SPMIP2: variants seen among roughly 807,000 people sequenced by gnomAD.
SPMIP2 encodes sperm microtubule inner protein 2.
chr4:158,992,333 A>G, the SPMIP2 span, among the ~76,000 whole-genome samples: 2 of 152,260 alleles, frequency 1.3e-5, no homozygotes, highest in Non-Finnish European at 2.9e-5. Flanking sequence ...TATTCACAGC[A>G]TATGAAAGTA....
At chr4:158,944,508 C>T in the SPMIP2 span, among the ~76,000 whole-genome samples, 1 of 152,072 alleles carries the variant, frequency 6.6e-6, no homozygotes, top group African/African-American at 2.4e-5. Context: ...CCCTTCTCAT[C>T]CACTCACACA....
At chr4:158,994,627 G>A in the SPMIP2 span, among the ~76,000 whole-genome samples, 1 of 152,072 alleles carries the variant, frequency 6.6e-6, no homozygotes, top group African/African-American at 2.4e-5. Context: ...TGTTTCAATA[G>A]GTATATTTGA....
chr4:158,996,573 T>C, the SPMIP2 span, among the ~76,000 whole-genome samples: 1 of 152,234 alleles, frequency 6.6e-6, no homozygotes, highest in African/African-American at 2.4e-5. Flanking sequence ...AGGAAAATTA[T>C]GTCCCATAAT....
chr4:159,045,415 A>G, the SPMIP2 span, among the ~76,000 whole-genome samples: 151 of 152,322 alleles, frequency 9.9e-4, 1 homozygote, highest in African/African-American at 3.5e-3. Flanking sequence ...AATTGTTCTC[A>G]TAACAGCTAA....
the SPMIP2 span, among the ~76,000 whole-genome samples, chr4:158,963,014 A>C: frequency 6.6e-6 from 1 of 152,150 alleles, no homozygotes; most frequent in African/African-American, 2.4e-5. Context: ...CTTTCAGCAA[A>C]TAGTCTAAAC....
the SPMIP2 span, among the ~76,000 whole-genome samples, chr4:158,909,948 A>G: frequency 3.9e-5 from 6 of 152,156 alleles, no homozygotes; most frequent in Non-Finnish European, 8.8e-5. Flanking sequence ...AGGCTGAGGC[A>G]GGAAAATTGT....
chr4:159,020,562 A>G, the SPMIP2 span, among the ~76,000 whole-genome samples: 1 of 152,160 alleles, frequency 6.6e-6, no homozygotes, highest in East Asian at 1.9e-4. Flanking sequence ...GGTTAGAGGT[A>G]AGGGAGTCTT....
chr4:158,926,424 TTTC>T, the SPMIP2 span, among the ~76,000 whole-genome samples: 1 of 152,178 alleles, frequency 6.6e-6, no homozygotes, highest in Admixed American at 6.5e-5. Flanking sequence ...TCCCTTGTGA[TTTC>T]TTTTTTGACC....
the SPMIP2 span, among the ~76,000 whole-genome samples, chr4:159,071,252 AGTT>A: frequency 1.3e-5 from 2 of 152,166 alleles, no homozygotes; most frequent in Non-Finnish European, 2.9e-5. Flanking sequence ...TTTTGGCAGT[AGTT>A]GTTGTTAGAA....
the SPMIP2 span, among the ~76,000 whole-genome samples, chr4:158,908,597 C>T: frequency 3.3e-5 from 5 of 152,136 alleles, no homozygotes; most frequent in African/African-American, 4.8e-5. Flanking sequence ...AGCTATGGTA[C>T]CCATGGAATT....
chr4:158,923,310 A>G, the SPMIP2 span, among the ~76,000 whole-genome samples: 2 of 152,200 alleles, frequency 1.3e-5, no homozygotes, highest in African/African-American at 2.4e-5. Context: ...AGATTTTGAT[A>G]GGGACTGCAT....
the SPMIP2 span, among the ~76,000 whole-genome samples, chr4:158,990,928 G>A: frequency 2.0e-5 from 3 of 152,098 alleles, no homozygotes; most frequent in Non-Finnish European, 4.4e-5. Flanking sequence ...AAGAGATAGG[G>A]TCTTGCTATG....
the SPMIP2 span, among the ~76,000 whole-genome samples, chr4:158,960,772 A>G: frequency 2.0e-5 from 3 of 152,148 alleles, no homozygotes; most frequent in African/African-American, 7.2e-5. Context: ...AAAGAGCTGG[A>G]TTATAGACAG....
chr4:158,948,952 T>C, the SPMIP2 span, among the ~76,000 whole-genome samples: 1 of 152,148 alleles, frequency 6.6e-6, no homozygotes, highest in Non-Finnish European at 1.5e-5. Flanking sequence ...TTCTGATAAA[T>C]TTTCTTGTAT....
chr4:158,965,250 AT>A, the SPMIP2 span, among the ~76,000 whole-genome samples: 51,436 of 150,474 alleles, frequency 0.34, 8,943 homozygotes, highest in African/African-American at 0.38. Flanking sequence ...ATACACCAGG[AT>A]TTTTTTTTTT....
At chr4:158,922,296 A>G in the SPMIP2 span, among the ~76,000 whole-genome samples, 35 of 152,096 alleles carry the variant, frequency 2.3e-4, no homozygotes, top group African/African-American at 8.4e-4. Context: ...TTGGAACCCA[A>G]CATCCCAACC....
chr4:159,056,642 G>C, the SPMIP2 span, among the ~76,000 whole-genome samples: 7 of 152,302 alleles, frequency 4.6e-5, no homozygotes, highest in African/African-American at 1.7e-4. Context: ...AGTGCATGAG[G>C]AGTTTGTTTT....
At chr4:158,952,920 A>G in the SPMIP2 span, among the ~76,000 whole-genome samples, 1 of 152,218 alleles carries the variant, frequency 6.6e-6, no homozygotes, top group Non-Finnish European at 1.5e-5. Context: ...ATCTGGTGGA[A>G]GAAATTTCTA....
the SPMIP2 span, among the ~76,000 whole-genome samples, chr4:158,928,028 C>A: frequency 6.6e-6 from 1 of 152,198 alleles, no homozygotes; most frequent in South Asian, 2.1e-4. Context: ...CCTCAATGAG[C>A]GCCGCCCCCT....
Sources: allele counts gnomAD v4.1 joint callset (sites outside exome capture counted in the v4.1 genomes callset), GRCh38; gene constraint gnomAD v4.1.1; transcripts MANE v1.5; gene names NCBI Gene and HGNC (gene_info 2026-07-23, HGNC 2026-07-21).